Variants in RIC8B observed in about 807,000 individuals in gnomAD.
The protein encoded by RIC8B is chaperone Ric-8B.
A neutral mutation model predicts 57.5 loss-of-function variants in RIC8B; 16 were observed. The observed-to-expected ratio is 0.28, with a 90% CI of 0.19 to 0.42. RIC8B has a LOEUF of 0.42. Among genes scored for constraint, RIC8B ranks in the 10% least tolerant of loss-of-function variants. RIC8B has a pLI of 1.00. For missense variants in RIC8B, 481 were observed against 677.0 expected (o/e 0.71, Z 3.21); for synonymous variants, 216 against 250.8 (o/e 0.86, Z 1.31).
At chr12:106,884,359 G>A (rs1285459850) in intron 9 of RIC8B, among the ~76,000 whole-genome samples, 1 of 152,176 alleles carries the variant, frequency 6.6e-6, no homozygotes, top group Non-Finnish European at 1.5e-5. Flanking sequence ...CATGAACTCA[G>A]TGTGCTCCTC....
intron 7 of RIC8B, among the ~76,000 whole-genome samples, chr12:106,858,568 CAA>C (rs1949802262): frequency 1.3e-5 from 2 of 151,908 alleles, no homozygotes; most frequent in African/African-American, 4.8e-5. Flanking sequence ...GCACTGATGC[CAA>C]GAGAGAGCAT....
intron 8 of RIC8B, among the ~76,000 whole-genome samples, chr12:106,862,447 G>T (rs779721615): frequency 4.6e-5 from 7 of 151,998 alleles, no homozygotes; most frequent in African/African-American, 7.2e-5. Context: ...AAAGTACTCT[G>T]CAAGCAGGAG....
intron 4 of RIC8B, among the ~76,000 whole-genome samples, chr12:106,834,134 C>T (rs2046481698): frequency 6.6e-6 from 1 of 152,144 alleles, no homozygotes; most frequent in Non-Finnish European, 1.5e-5. Context: ...GGGACTAATA[C>T]AGTACTTAAG....
At chr12:106,801,935 G>A (rs1157160731) in intron 2 of RIC8B, among the ~76,000 whole-genome samples, 1 of 152,120 alleles carries the variant, frequency 6.6e-6, no homozygotes, top group African/African-American at 2.4e-5. Context: ...TACACGTGCT[G>A]TATACAGAGG....
chr12:106,815,333 C>A, intron 3 of RIC8B, 29 bp downstream of exon 3: 1 of 1,559,474 alleles, frequency 6.4e-7, no homozygotes, highest in Non-Finnish European at 8.7e-7. Flanking sequence ...TTTTTGTCTA[C>A]CTGGAATTTA....
chr12:106,871,166 T>G, intron 9 of RIC8B: 1 of 366,402 alleles, frequency 2.7e-6, no homozygotes, highest in Non-Finnish European at 4.9e-6. Context: ...AAAGCTAAGA[T>G]AGTAACTACC....
At chr12:106,875,020 T>G (rs907031992) in intron 9 of RIC8B, among the ~76,000 whole-genome samples, 14 of 152,092 alleles carry the variant, frequency 9.2e-5, no homozygotes, top group African/African-American at 2.9e-4. Context: ...ATCCCCAAAT[T>G]TGAAGGGCAG....
chr12:106,797,651 T>C (rs2044543151), intron 2 of RIC8B, among the ~76,000 whole-genome samples: 1 of 152,218 alleles, frequency 6.6e-6, no homozygotes, highest in Non-Finnish European at 1.5e-5. Flanking sequence ...TTACAATATG[T>C]GAATTATATC....
chr12:106,839,704 GAA>G (rs1203730907), intron 4 of RIC8B, among the ~76,000 whole-genome samples: 1 of 152,086 alleles, frequency 6.6e-6, no homozygotes, highest in Non-Finnish European at 1.5e-5. Context: ...TACCACAAAA[GAA>G]AAAAATACTT....
intron 8 of RIC8B, chr12:106,868,208 CTGA>C: frequency 2.2e-6 from 1 of 445,174 alleles, no homozygotes; most frequent in South Asian, 1.6e-5. Context: ...GTGTGTCCTC[CTGA>C]TTTCATTTTT....
chr12:106,811,584 G>A (rs2045335334), intron 2 of RIC8B, among the ~76,000 whole-genome samples: 1 of 152,236 alleles, frequency 6.6e-6, no homozygotes, highest in African/African-American at 2.4e-5. Flanking sequence ...ATGGGTAGAT[G>A]TAGTGGCAGG....
At chr12:106,830,256 A>G (rs2046299766) in intron 4 of RIC8B, among the ~76,000 whole-genome samples, 1 of 152,206 alleles carries the variant, frequency 6.6e-6, no homozygotes, top group African/African-American at 2.4e-5. Context: ...AACCTATAGA[A>G]TGCTTTGGGT....
chr12:106,831,642 C>T (rs868715954), intron 4 of RIC8B, among the ~76,000 whole-genome samples: 1 of 152,238 alleles, frequency 6.6e-6, no homozygotes, highest in Admixed American at 6.5e-5. Flanking sequence ...TGGATTAAAT[C>T]TAAACCCTTT....
At position 106,886,931 on chromosome 12, in the gene RIC8B, T is replaced by A. The variant is rs572322023; in HGVS notation, c.*916T>A. 4.8e-4 allele frequency: 74 copies of A among 152,636 alleles called. No individual in the cohort carries two copies. Among genetic ancestry groups the A allele is most frequent in the African/African-American group, 1.7e-3 (72 of 41,522 alleles). 9.5% of individuals were successfully genotyped at this position (152,636 alleles called of 1,614,324 possible). On this transcript the variant is annotated 3_prime_UTR_variant, in exon 10 of 10. Transcript: ENST00000392837. Reference sequence around the variant, plus strand: ...GTCATTCATACATCACATTTTAAATTGGGGACTGTGTGTGCTGGTGTGTGT... The same window carrying A: ...GTCATTCATACATCACATTTTAAATAGGGGACTGTGTGTGCTGGTGTGTGT...
intron 7 of RIC8B, among the ~76,000 whole-genome samples, chr12:106,856,722 G>A (rs1270946196): frequency 1.3e-5 from 2 of 152,318 alleles, no homozygotes; most frequent in East Asian, 3.9e-4. Context: ...TTAGGTCGGA[G>A]ATCATGTCCT....
intron 1 of RIC8B, among the ~76,000 whole-genome samples, chr12:106,780,223 C>A (rs565402372): frequency 1.3e-5 from 2 of 152,076 alleles, no homozygotes; most frequent in African/African-American, 4.8e-5. Context: ...TAACCAGAGA[C>A]GTGGCTTGGT....
At chr12:106,823,225 T>C (rs1190288301) in intron 3 of RIC8B, 2 of 264,192 alleles carry the variant, frequency 7.6e-6, no homozygotes, top group African/African-American at 4.4e-5. Context: ...TTACAAATTA[T>C]GATTTCATGA....
chr12:106,880,782 A>G (rs957754001), intron 9 of RIC8B, among the ~76,000 whole-genome samples: 2 of 152,084 alleles, frequency 1.3e-5, no homozygotes, highest in African/African-American at 4.8e-5. Flanking sequence ...GATACTGGCA[A>G]ATCACAGCCT....
intron 2 of RIC8B, among the ~76,000 whole-genome samples, chr12:106,803,214 T>TAAAAAAAAAAAA (rs758690591): frequency 1.1e-4 from 9 of 84,268 alleles, no homozygotes; most frequent in Non-Finnish European, 1.5e-4. Context: ...ATACCCTGTC[T>TAAAAAAAAAAAA]CAAAAAAAAA....
Sources: gnomAD v4.1 joint callset for allele counts (sites outside exome capture counted in the v4.1 genomes callset) on GRCh38, gnomAD v4.1.1 for gene constraint, MANE v1.5 for transcripts, NCBI Gene and HGNC (gene_info 2026-07-23, HGNC 2026-07-21) for gene names.